LAMA2: variants seen among roughly 807,000 people sequenced by gnomAD.
LAMA2 encodes laminin subunit alpha 2, also known as laminin subunit alpha-2.
A neutral mutation model predicts 364.8 loss-of-function variants in LAMA2; 269 were observed. That is an observed-to-expected ratio of 0.74 (90% confidence interval 0.67 to 0.82). LAMA2 has a LOEUF of 0.82. LAMA2 is among the 40% of genes least tolerant of loss of function. LAMA2 has a pLI of 0.00. For missense variants in LAMA2, 3,807 were observed against 3,873.2 expected, an observed-to-expected ratio of 0.98 and a Z score of 0.45; for synonymous variants, 1,379 against 1,370.6, an observed-to-expected ratio of 1.01 and a Z score of -0.14.
In LAMA2 at chr6:129,440,912, A is replaced by C; in HGVS notation, c.6182A>C (p.Asn2061Thr). ...GCACAGATTACAGAGCTCCACCAGA[A>C]CCTCGATGGCCTGAAGAAGAATTAC... ...VLAQITELHQ[N>T]LDGLKKNYNK... Residue 2061 changes from asparagine (N) to threonine (T), a missense_variant, in exon 43 of 65, where the codon AAC (asparagine) becomes ACC (threonine). Physicochemically the swap from Asn to Thr is moderately conservative, Grantham distance 65 (BLOSUM62 0). Coordinates refer to ENST00000421865, the MANE Select transcript of LAMA2 (RefSeq NM_000426.4). The C allele has an allele frequency of 6.2e-7, 1 of 1,613,948 alleles. No individual in the cohort carries two copies.
chr6:129,188,424 A>G (rs1354207013), intron 10 of LAMA2, among the ~76,000 whole-genome samples: 4 of 151,974 alleles, frequency 2.6e-5, no homozygotes, highest in Non-Finnish European at 5.9e-5. Context: ...AAGCTTTCAA[A>G]TTAGAGTAAA....
chr6:129,347,096 TC>T (rs1776598154), intron 30 of LAMA2, among the ~76,000 whole-genome samples: 1 of 152,126 alleles, frequency 6.6e-6, no homozygotes, highest in Non-Finnish European at 1.5e-5. Context: ...TATCTAACTC[TC>T]CTGAGGGCTA....
chr6:129,423,477 G>C (rs1781178709), intron 40 of LAMA2, among the ~76,000 whole-genome samples: 1 of 151,866 alleles, frequency 6.6e-6, no homozygotes, highest in Non-Finnish European at 1.5e-5. Context: ...ATTGCTTGAG[G>C]CCAAGAGTTT....
chr6:129,366,784 C>T (rs10499155), intron 33 of LAMA2, among the ~76,000 whole-genome samples: 1 of 152,062 alleles, frequency 6.6e-6, no homozygotes, highest in Admixed American at 6.6e-5. Flanking sequence ...AGGATATTGA[C>T]TATTTTCACA....
chr6:129,252,334 A>G, intron 14 of LAMA2, 39 bp downstream of exon 14: 1 of 1,531,498 alleles, frequency 6.5e-7, no homozygotes. Flanking sequence ...TCACACATTT[A>G]CTTTGGGGCC....
At chr6:129,336,990 T>C (rs896160838) in intron 29 of LAMA2, among the ~76,000 whole-genome samples, 19 of 152,338 alleles carry the variant, frequency 1.2e-4, no homozygotes, top group African/African-American at 4.1e-4. Flanking sequence ...AAGATGAGAT[T>C]AATAGAAAAG....
At chr6:129,394,063 A>G (rs917566098) in intron 37 of LAMA2, among the ~76,000 whole-genome samples, 3 of 152,122 alleles carry the variant, frequency 2.0e-5, no homozygotes, top group African/African-American at 7.2e-5. Context: ...TTTTTTTCCA[A>G]TTTCTTTCTT....
chr6:129,177,683 A>T, intron 9 of LAMA2, 23 bp from the exon 10 acceptor site: 2 of 1,612,358 alleles, frequency 1.2e-6, no homozygotes, highest in Non-Finnish European at 1.7e-6. Context: ...AGAAATGTTG[A>T]TATGTGGCTC....
intron 28 of LAMA2, among the ~76,000 whole-genome samples, chr6:129,327,587 C>A (rs1775376957): frequency 6.6e-6 from 1 of 152,192 alleles, no homozygotes; most frequent in Non-Finnish European, 1.5e-5. Context: ...CTGTGGACTA[C>A]CTTCCAGAAA....
chr6:129,224,231 T>G (rs1784079360), intron 12 of LAMA2, among the ~76,000 whole-genome samples: 1 of 152,192 alleles, frequency 6.6e-6, no homozygotes, highest in Non-Finnish European at 1.5e-5. Flanking sequence ...CTTATCAGCT[T>G]TAGGAGATTT....
At chr6:129,204,466 G>T (rs1782489309) in intron 12 of LAMA2, among the ~76,000 whole-genome samples, 1 of 147,756 alleles carries the variant, frequency 6.8e-6, no homozygotes, top group Non-Finnish European at 1.5e-5. Context: ...CAATATGACT[G>T]GTATCCTTAT....
chr6:129,307,674 G>T (rs1377990415), intron 22 of LAMA2, among the ~76,000 whole-genome samples: 1 of 152,054 alleles, frequency 6.6e-6, no homozygotes, highest in African/African-American at 2.4e-5. Context: ...TATTTTAGTT[G>T]GTTGTGTACT....
chr6:128,904,414 G>T (rs1031548310), intron 1 of LAMA2, among the ~76,000 whole-genome samples: 2 of 149,704 alleles, frequency 1.3e-5, no homozygotes, highest in East Asian at 3.9e-4. Context: ...ATATGTGGAG[G>T]TTGGATTTCC....
chr6:129,084,377 C>T (rs1247264973), intron 3 of LAMA2, among the ~76,000 whole-genome samples: 2 of 152,120 alleles, frequency 1.3e-5, no homozygotes, highest in African/African-American at 2.4e-5. Flanking sequence ...AAAAATTGAT[C>T]TGAAGTTAGT....
chr6:129,471,772 C>T (rs1783825116), intron 51 of LAMA2, among the ~76,000 whole-genome samples: 1 of 151,840 alleles, frequency 6.6e-6, no homozygotes, highest in Non-Finnish European at 1.5e-5. Context: ...AACTTGCTAG[C>T]TATATTTAAT....
At position 128,892,335 on chromosome 6, in the gene LAMA2, T is replaced by C. The variant is rs147267001; in HGVS notation, c.112+8978T>C. Among the ~76,000 whole-genome samples, 605 of 152,098 alleles carry C rather than the reference T, an allele frequency of 4.0e-3. 4 individuals are homozygous for C. The highest frequency in any genetic ancestry group is 0.014 in the African/African-American group (577 of 41,540). On this transcript the variant is annotated intron_variant, in intron 1 of 64. Coordinates refer to ENST00000421865, the MANE Select transcript of LAMA2 (RefSeq NM_000426.4). Reference sequence around the variant, plus strand: ...TATGTTAGTAGCTCTGTGTGAGAAGTGATTTAAAACAGGCAACATGATGGA... The same window carrying C: ...TATGTTAGTAGCTCTGTGTGAGAAGCGATTTAAAACAGGCAACATGATGGA...
At position 129,473,252 on chromosome 6, in the gene LAMA2, G is replaced by T. The variant is rs1377818460; in HGVS notation, c.7339G>T (p.Glu2447Ter). Residue 2447 changes from glutamate to a stop codon, truncating the protein, a stop_gained, in exon 52 of 65, where the codon GAG becomes TAG. Transcript: ENST00000421865. LOFTEE classifies it high-confidence loss of function. Reference protein sequence around the residue: ...SIVDIDTNQEENIATSSSGNN... With the variant: ...SIVDIDTNQE ...TGTAGATATAGATACTAATCAGGAG[G>T]AGAATATAGCAACTTCGTCTTCTGG... The T allele has an allele frequency of 6.2e-7, 1 of 1,605,508 alleles. No homozygotes were observed. The highest frequency in any genetic ancestry group is 8.5e-7 in the Non-Finnish European group (1 of 1,172,850).
rs777904253 is a variant in LAMA2, at chr6:129,512,415, A to G, written c.8910A>G (p.Thr2970=). Residue 2970 remains threonine (T), a synonymous_variant, in exon 63 of 65, where the codon ACA becomes ACG. Coordinates refer to ENST00000421865, the MANE Select transcript of LAMA2 (RefSeq NM_000426.4). ...LDLLVEFEFR[T]TTTTGVLLGI... ...TTCTTGTAGAATTTGAATTCCGCAC[A>G]ACTACAACGACTGGAGTTCTTCTGG... 1.9e-6 allele frequency: 3 copies of G among 1,613,608 alleles called. No individual in the cohort carries two copies. In the Admixed American group the frequency reaches 5.0e-5, roughly 27 times the overall value.
At chr6:129,095,488 T>C (rs531802997) in intron 3 of LAMA2, among the ~76,000 whole-genome samples, 4 of 152,316 alleles carry the variant, frequency 2.6e-5, no homozygotes, top group African/African-American at 9.6e-5. Flanking sequence ...CGTTTTTATA[T>C]TTTATTTTCA....
Sources: gnomAD v4.1 joint callset for allele counts (sites outside exome capture counted in the v4.1 genomes callset) on GRCh38, gnomAD v4.1.1 for gene constraint, MANE v1.5 for transcripts, NCBI Gene and HGNC (gene_info 2026-07-23, HGNC 2026-07-21) for gene names.